The following ATP2B4 variants were observed in gnomAD, a reference collection of about 807,000 sequenced individuals.
The protein encoded by ATP2B4 is ATPase plasma membrane Ca2+ transporting 4, also known as plasma membrane calcium-transporting ATPase 4.
In ATP2B4, 39 loss-of-function variants were observed where a neutral mutation model predicts 110.3. The observed-to-expected ratio is 0.35, with a 90% CI of 0.27 to 0.46. The LOEUF is 0.46. Among genes scored for constraint, ATP2B4 ranks in the 20% least tolerant of loss-of-function variants. The pLI is 1.00. For synonymous variants in ATP2B4, 538 were observed against 571.7 expected, an observed-to-expected ratio of 0.94 and a Z score of 0.84; for missense variants, 1,135 against 1,530.9, an observed-to-expected ratio of 0.74 and a Z score of 4.32.
rs1199873236 is a variant in ATP2B4 at position 203,661,044 on chromosome 1, A to G, written c.-464-21698A>G. 2.6e-5 allele frequency among the ~76,000 whole-genome samples: 4 copies of G among 151,914 alleles called. No homozygotes were observed. In the East Asian group the frequency reaches 7.8e-4, roughly 30 times the overall value. ...AGAATTGCTTGAACCCAGGAAGCAG[A>G]GGTTACAGTGAGCTGAGATCGCGCC... is the stretch of plus-strand genomic sequence containing the variant. On this transcript the variant is annotated intron_variant, in intron 1 of 20. Coordinates refer to ENST00000357681, the MANE Select transcript of ATP2B4 (RefSeq NM_001684.5).
At chr1:203,722,759 C>G in intron 18 of ATP2B4, 70 bp downstream of exon 18, 1 of 1,437,584 alleles carries the variant, frequency 7.0e-7, no homozygotes, top group Non-Finnish European at 9.6e-7. Flanking sequence ...AGCCAGGGTT[C>G]CCTACATACC....
At chr1:203,710,618 T>C (rs1665978446) in intron 11 of ATP2B4, among the ~76,000 whole-genome samples, 1 of 152,200 alleles carries the variant, frequency 6.6e-6, no homozygotes. Flanking sequence ...CACAAATGAC[T>C]TGCATTGCAT....
rs1482162423 is a variant in ATP2B4 at position 203,657,831 on chromosome 1, G to C, written c.-464-24911G>C. The C allele has an allele frequency of 8.1e-6, 4 of 490,998 alleles. No individual in the cohort carries two copies. In the East Asian group the frequency reaches 1.5e-4, roughly 18 times the overall value. 30.4% of individuals were successfully genotyped at this position (490,998 alleles called of 1,614,324 possible). On this transcript the variant is annotated intron_variant, in intron 1 of 20. Coordinates refer to ENST00000357681, the MANE Select transcript of ATP2B4 (RefSeq NM_001684.5). ...ACACTCTCAATTTTAAGGTCTCAGA[G>C]ACTCCACGCAGGCCGGGACAGGAAA...
At chr1:203,735,824 T>A (rs1666864341) in intron 20 of ATP2B4, among the ~76,000 whole-genome samples, 1 of 152,318 alleles carries the variant, frequency 6.6e-6, no homozygotes. Context: ...GTTTTAATCA[T>A]CCCTTTCTGA....
chr1:203,698,088 C>T, intron 2 of ATP2B4, 69 bp from the exon 3 acceptor site: 1 of 1,446,470 alleles, frequency 6.9e-7, no homozygotes, highest in Non-Finnish European at 9.6e-7. Context: ...CTCACTGCCA[C>T]TTCAAAACTG....
Position 203,699,652 on chromosome 1 carries a change from A to G in ATP2B4, c.584A>G (p.Asn195Ser). The change falls in exon 4 of 21, where the codon AAC (asparagine) becomes AGC (serine). Residue 195 changes from asparagine to serine, a missense_variant. This residue lies in a region of ATP2B4 where 101 missense variants were observed against 182.6 expected (regional missense o/e 0.55). Transcript: ENST00000357681. ...GAGCAAAAGTTCTCCATCATCCGAA[A>G]CGGTCAACTCATCCAGCTCCCTGTG... is the stretch of plus-strand genomic sequence containing the variant. Reference protein sequence around the residue: ...EQEQKFSIIRNGQLIQLPVAE... With the variant: ...EQEQKFSIIRSGQLIQLPVAE... 5 of 1,614,158 alleles carry G rather than the reference A, an allele frequency of 3.1e-6. No individual in the cohort carries two copies. The highest frequency in any genetic ancestry group is 4.2e-6 in the Non-Finnish European group (5 of 1,180,036).
At chr1:203,721,006 G>C (rs1432325456) in intron 16 of ATP2B4, among the ~76,000 whole-genome samples, 191 bp from the exon 17 acceptor site, 3 of 152,088 alleles carry the variant, frequency 2.0e-5, no homozygotes, top group Non-Finnish European at 4.4e-5. Context: ...TTGTGAAGTA[G>C]GTATTATTAT....
rs986355987 is a variant in ATP2B4 at position 203,700,842 on chromosome 1, G to C, written c.820G>C (p.Val274Leu). ...TTCTGGCCGGATGGTGGTGACAGCTGTTGGTGTCAACTCTCAGACTGGAAT... is the reference window on the plus strand; with the variant it reads ...TTCTGGCCGGATGGTGGTGACAGCTCTTGGTGTCAACTCTCAGACTGGAAT... ...EGSGRMVVTA[V>L]GVNSQTGIIL... Residue 274 changes from valine to leucine, a missense_variant, in exon 6 of 21, where the codon GTT becomes CTT. Val to Leu is a conservative substitution (Grantham distance 32). Coordinates refer to ENST00000357681, the MANE Select transcript of ATP2B4 (RefSeq NM_001684.5). 1.2e-6 allele frequency: 2 copies of C among 1,613,412 alleles called. No individual in the cohort carries two copies. The highest frequency in any genetic ancestry group is 1.7e-6 in the Non-Finnish European group (2 of 1,179,730).
intron 19 of ATP2B4, among the ~76,000 whole-genome samples, chr1:203,726,544 C>T (rs982397398): frequency 2.6e-5 from 4 of 152,012 alleles, no homozygotes; most frequent in Admixed American, 2.0e-4. Context: ...GGCCATGTGG[C>T]CTTGCTGCCA....
intron 1 of ATP2B4, among the ~76,000 whole-genome samples, chr1:203,645,250 G>A (rs182969787): frequency 3.9e-5 from 6 of 152,100 alleles, no homozygotes; most frequent in East Asian, 3.9e-4. Flanking sequence ...TCTAACTTCC[G>A]CCCCAGTTTA....
rs866799448 is a variant in ATP2B4, at chr1:203,674,664, T to G, written c.-464-8078T>G. ...TTTTTTTTTTTTTTTTTTTTTTTTT[T>G]TTTTTTTTCTGAGATGGGGTCTCAC... On this transcript the variant is annotated intron_variant, in intron 1 of 20. Coordinates refer to ENST00000357681, the MANE Select transcript of ATP2B4 (RefSeq NM_001684.5). Among the ~76,000 whole-genome samples, 518 of 63,666 alleles carry G rather than the reference T, an allele frequency of 8.1e-3. 7 individuals carry two copies. The highest frequency in any genetic ancestry group is 0.016 in the Middle Eastern group (2 of 128). The allele number at this position is 63,666 out of a possible 152,430, so 41.8% of individuals were successfully genotyped here.
Position 203,721,411 on chromosome 1 carries a change from G to T in ATP2B4, c.2812+1G>T, listed in dbSNP as rs1444395770. On this transcript the variant is annotated splice_donor_variant, in intron 17 of 20. Coordinates refer to ENST00000357681, the MANE Select transcript of ATP2B4 (RefSeq NM_001684.5). LOFTEE classifies it high-confidence loss of function. ...GTCATCTTTATCCTTGTCTTTGCGG[G>T]TGAGCCACTTTGGGGGTGGGTAGCA... is the stretch of plus-strand genomic sequence containing the variant. The T allele has an allele frequency of 6.2e-7, 1 of 1,613,900 alleles. No individual in the cohort carries two copies. The highest frequency in any genetic ancestry group is 2.2e-5 in the East Asian group (1 of 44,858).
rs150976626 is a variant in ATP2B4, at chr1:203,674,788, C to G, written c.-464-7954C>G. On this transcript the variant is annotated intron_variant, in intron 1 of 20. Coordinates refer to ENST00000357681, the MANE Select transcript of ATP2B4 (RefSeq NM_001684.5). ...TCTTCTGCCTCAGCCTCCTGAGTAG[C>G]TGGGACTACAGGCACGTGCCACCAC... Among the ~76,000 whole-genome samples, 1,430 of 152,010 alleles carry G rather than the reference C, an allele frequency of 9.4e-3. 21 individuals carry two copies. Among genetic ancestry groups the G allele is most frequent in the African/African-American group, 0.033 (1,356 of 41,414 alleles).
chr1:203,714,108 T>A, intron 14 of ATP2B4, 63 bp from the exon 15 acceptor site: 2 of 1,342,390 alleles, frequency 1.5e-6, no homozygotes, highest in South Asian at 1.4e-5. Flanking sequence ...GAGTGGCGGG[T>A]GGTAGGAACT....
At chr1:203,665,360 G>A (rs1396819486) in intron 1 of ATP2B4, among the ~76,000 whole-genome samples, 1 of 152,222 alleles carries the variant, frequency 6.6e-6, no homozygotes, top group African/African-American at 2.4e-5. Flanking sequence ...CAGCTTGATG[G>A]CCACAAGCTG....
chr1:203,713,112 C>T, intron 13 of ATP2B4, 53 bp from the exon 14 acceptor site: 1 of 1,598,498 alleles, frequency 6.3e-7, no homozygotes, highest in South Asian at 1.1e-5. Flanking sequence ...TTAAGATTTT[C>T]CTGGATAGCT....
chr1:203,720,853 A>G (rs777102022), intron 16 of ATP2B4, 113 bp downstream of exon 16: 66 of 1,274,870 alleles, frequency 5.2e-5, no homozygotes, highest in Middle Eastern at 2.8e-4. Flanking sequence ...TCCCCATGAC[A>G]TTGGGACAGG....
At chr1:203,685,126 C>T (rs1482988294) in intron 2 of ATP2B4, among the ~76,000 whole-genome samples, 1 of 152,180 alleles carries the variant, frequency 6.6e-6, no homozygotes, top group African/African-American at 2.4e-5. Flanking sequence ...GCTGGGATTA[C>T]AGGTATGAGC....
intron 8 of ATP2B4, among the ~76,000 whole-genome samples, chr1:203,704,045 T>C (rs1025254111): frequency 6.6e-6 from 1 of 152,190 alleles, no homozygotes; most frequent in Non-Finnish European, 1.5e-5. Context: ...CTGAGATCTC[T>C]TAATCCAAAT....
Sources: allele counts gnomAD v4.1 joint callset (sites outside exome capture counted in the v4.1 genomes callset), GRCh38; gene constraint gnomAD v4.1.1; regional missense constraint gnomAD v4.1.1; transcripts MANE v1.5; gene names NCBI Gene and HGNC (gene_info 2026-07-23, HGNC 2026-07-21).